EXD3: variants seen among roughly 807,000 people sequenced by gnomAD.
The protein encoded by EXD3 is exonuclease 3'-5' domain containing 3.
In EXD3, 92 loss-of-function variants were observed where a neutral mutation model predicts 98.0. The ratio of observed to expected loss-of-function variants is 0.94; its 90% confidence interval spans 0.79 to 1.12. The LOEUF is 1.12. Among genes scored for constraint, EXD3 ranks in the 50% most tolerant of loss-of-function variants. EXD3 has a pLI of 0.00. For missense variants in EXD3, 1,222 were observed against 1,191.6 expected (o/e 1.03, Z -0.38); for synonymous variants, 569 against 526.0 (o/e 1.08, Z -1.12).
In EXD3 at chr9:137,401,295, A is replaced by G. The variant is rs577175510; in HGVS notation, c.-47-5891T>C. 2.6e-5 allele frequency among the ~76,000 whole-genome samples: 4 copies of G among 152,012 alleles called. No homozygotes were observed. The South Asian group carries it at 8.3e-4, about 32-fold the overall frequency. ...CAGCCTCCCAAGTAGCTGGGACAAC[A>G]GATGCCCGCCACCACACCCGACTAA... On this transcript the variant is annotated intron_variant, in intron 1 of 21. Transcript: ENST00000340951.
intron 11 of EXD3, 36 bp downstream of exon 11, chr9:137,352,583 AC>A: frequency 6.6e-7 from 1 of 1,504,562 alleles, no homozygotes; most frequent in South Asian, 1.3e-5. Flanking sequence ...CCTGGGCGGA[AC>A]CCACCCCTGG....
rs1375379718 is a variant in EXD3, at chr9:137,395,925, C to T, written c.-47-521G>A. Among the ~76,000 whole-genome samples the T allele has an allele frequency of 6.6e-6, 1 of 152,044 alleles. No homozygotes were observed. Among genetic ancestry groups the T allele is most frequent in the East Asian group, 1.9e-4 (1 of 5,190 alleles). On this transcript the variant is annotated intron_variant, in intron 1 of 21. Coordinates refer to ENST00000340951, the MANE Select transcript of EXD3 (RefSeq NM_017820.5). This position sits in a 1 kb window ranked among gnomAD's most constrained non-coding sequence, Gnocchi z 6.5. ...CTGACAGCTCTCATCCCAGGCAGACCTCAGTCTCCCTCAGAGTGTTTTTTT... is the reference window on the plus strand; with the variant it reads ...CTGACAGCTCTCATCCCAGGCAGACTTCAGTCTCCCTCAGAGTGTTTTTTT...
chr9:137,334,425 G>A (rs540240784), intron 17 of EXD3, among the ~76,000 whole-genome samples: 26 of 152,244 alleles, frequency 1.7e-4, no homozygotes, highest in African/African-American at 6.0e-4. Flanking sequence ...CAGAAATAAA[G>A]CCAAATACTT....
chr9:137,307,754 G>GTGTGTGAAGAGGC, intron 20 of EXD3, 108 bp from the exon 21 acceptor site: 1 of 1,255,700 alleles, frequency 8.0e-7, no homozygotes, highest in Non-Finnish European at 1.1e-6. Flanking sequence ...ACCTCATGGG[G>GTGTGTGAAGAGGC]TGCAGCCTCT....
chr9:137,409,093 G>A (rs1050854383), intron 1 of EXD3, among the ~76,000 whole-genome samples: 12 of 152,222 alleles, frequency 7.9e-5, no homozygotes, highest in African/African-American at 2.4e-4. Context: ...GCCTTGGGAC[G>A]TGCCCGGGGG....
rs1564521745 is a variant in EXD3 at position 137,371,852 on chromosome 9, A to G, written c.462+1053T>C. On this transcript the variant is annotated intron_variant, in intron 5 of 21. Transcript: ENST00000340951. This position sits in a 1 kb window ranked among gnomAD's most constrained non-coding sequence, Gnocchi z 8.0. ...TGGGATCTGGAATCTCAGGGCACCG[A>G]GAAGTCATGGGGGCTCCCCTGCACC... is the stretch of plus-strand genomic sequence containing the variant. 6.6e-6 allele frequency among the ~76,000 whole-genome samples: 1 copy of G among 151,874 alleles called. No homozygotes were observed.
chr9:137,338,941 A>T (rs1265196296), intron 17 of EXD3, among the ~76,000 whole-genome samples: 1 of 151,774 alleles, frequency 6.6e-6, no homozygotes, highest in Admixed American at 6.6e-5. Context: ...CTGCGAGAGC[A>T]TGAGAAGAGT....
chr9:137,321,539 C>T (rs969105728), intron 19 of EXD3, among the ~76,000 whole-genome samples: 3 of 152,160 alleles, frequency 2.0e-5, no homozygotes, highest in Non-Finnish European at 4.4e-5. Context: ...AAAAATTAGC[C>T]GCCCGTGGTG....
chr9:137,420,553 G>C (rs1390114752), intron 1 of EXD3, among the ~76,000 whole-genome samples: 1 of 152,184 alleles, frequency 6.6e-6, no homozygotes, highest in Non-Finnish European at 1.5e-5. Flanking sequence ...GATATGACGA[G>C]ACTGCTTTGA....
chr9:137,352,911 GCCGTCCAC>G (rs1401151395), intron 10 of EXD3, 125 bp from the exon 11 acceptor site: 8 of 1,442,658 alleles, frequency 5.5e-6, no homozygotes, highest in Non-Finnish European at 5.4e-6. Flanking sequence ...AGGAGGGGCA[GCCGTCCAC>G]CTGAGGCCTG....
chr9:137,388,210 C>CG (rs1157022682), intron 2 of EXD3, among the ~76,000 whole-genome samples: 1 of 152,158 alleles, frequency 6.6e-6, no homozygotes, highest in Non-Finnish European at 1.5e-5. Context: ...GGCTTCCCCC[C>CG]CAGCCACCCT....
At chr9:137,422,895 G>C (rs934961852) in intron 1 of EXD3, among the ~76,000 whole-genome samples, 23 of 152,062 alleles carry the variant, frequency 1.5e-4, no homozygotes, top group African/African-American at 5.6e-4. Context: ...TCCCCGCGGC[G>C]TCCGGCTGCT....
intron 2 of EXD3, 126 bp from the exon 3 acceptor site, chr9:137,383,503 A>C (rs1588396462): frequency 1.6e-6 from 1 of 631,886 alleles, no homozygotes; most frequent in South Asian, 2.0e-5. Flanking sequence ...GGGGCCGGGA[A>C]CCCTCCCCCA....
chr9:137,376,581 G>T (rs1241715972), intron 3 of EXD3, among the ~76,000 whole-genome samples: 1 of 151,914 alleles, frequency 6.6e-6, no homozygotes, highest in Non-Finnish European at 1.5e-5. Flanking sequence ...TCAACTTCCA[G>T]GTAGATAAGG....
chr9:137,342,823 T>C (rs1833715827), intron 17 of EXD3, among the ~76,000 whole-genome samples: 1 of 152,074 alleles, frequency 6.6e-6, no homozygotes, highest in Admixed American at 6.5e-5. Flanking sequence ...CTCAACTTCA[T>C]CAAGAATCAC....
At chr9:137,328,118 A>G in intron 17 of EXD3, among the ~76,000 whole-genome samples, 2 of 151,238 alleles carry the variant, frequency 1.3e-5, no homozygotes, top group African/African-American at 2.4e-5. Context: ...ATACACCCAT[A>G]TGATGAGTAA....
rs568319444 is a variant in EXD3, at chr9:137,325,703, G to T, written c.1999-1560C>A. On this transcript the variant is annotated intron_variant, in intron 17 of 21. Transcript: ENST00000340951. ...CTGCCTTGGCTTGCTAAAGTGCTGG[G>T]ATTACAGGTGTGAGCCACCGCACCC... is the stretch of plus-strand genomic sequence containing the variant. 5.9e-5 allele frequency among the ~76,000 whole-genome samples: 9 copies of T among 152,268 alleles called. No homozygotes were observed. The South Asian group carries it at 1.9e-3, about 32-fold the overall frequency.
intron 1 of EXD3, among the ~76,000 whole-genome samples, chr9:137,401,667 C>T (rs1326910126): frequency 6.6e-6 from 1 of 152,244 alleles, no homozygotes; most frequent in African/African-American, 2.4e-5. Flanking sequence ...TCTGAAGCCA[C>T]AGCCCGAGCT....
At chr9:137,417,357 G>A (rs1408047996) in intron 1 of EXD3, among the ~76,000 whole-genome samples, 3 of 152,234 alleles carry the variant, frequency 2.0e-5, no homozygotes, top group Admixed American at 6.5e-5. Flanking sequence ...AAGCGAGCGC[G>A]CCCGCAGAGG....
Sources: allele counts gnomAD v4.1 joint callset (sites outside exome capture counted in the v4.1 genomes callset), GRCh38; gene constraint gnomAD v4.1.1; non-coding constraint Gnocchi (gnomAD v3.1); transcripts MANE v1.5; gene names NCBI Gene and HGNC (gene_info 2026-07-23, HGNC 2026-07-21).